The following XPR1 variants were observed in gnomAD, a reference collection of about 807,000 sequenced individuals.
XPR1 encodes solute carrier family 53 member 1.
XPR1 carries 28 observed loss-of-function variants against 87.5 expected under a neutral mutation model. The observed-to-expected ratio is 0.32, with a 90% confidence interval of 0.24 to 0.44. XPR1 has a LOEUF of 0.44. Among genes scored for constraint, XPR1 ranks in the 20% least tolerant of loss-of-function variants. The pLI is 1.00. For synonymous variants in XPR1, 300 were observed against 306.1 expected (o/e 0.98, Z 0.21); for missense variants, 559 against 862.3 (o/e 0.65, Z 4.41).
chr1:180,643,719 T>A (rs1004319951), intron 1 of XPR1, among the ~76,000 whole-genome samples: 2 of 152,192 alleles, frequency 1.3e-5, no homozygotes, highest in Non-Finnish European at 2.9e-5. Context: ...TTACTTCAGA[T>A]TCCATTTTTT....
intron 2 of XPR1, among the ~76,000 whole-genome samples, chr1:180,711,204 G>T (rs1254482433): frequency 6.6e-6 from 1 of 151,956 alleles, no homozygotes; most frequent in Non-Finnish European, 1.5e-5. Context: ...TCACTTCCCA[G>T]ACAGGGTGGC....
chr1:180,884,257 AT>A lies in XPR1; in HGVS notation c.*195del, dbSNP rs1652936261. The A allele has an allele frequency of 4.1e-6, 2 of 482,008 alleles. No individual in the cohort carries two copies. Among genetic ancestry groups the A allele is most frequent in the Non-Finnish European group, 7.4e-6 (2 of 271,398 alleles). The allele number at this position is 482,008 out of a possible 1,614,324, so 29.9% of individuals were successfully genotyped here. On this transcript the variant is annotated 3_prime_UTR_variant, in exon 15 of 15. Coordinates refer to ENST00000367590, the MANE Select transcript of XPR1 (RefSeq NM_004736.4). ...GTTTCTTTTCTTTTCTTCTGGTTTA[AT>A]TTTAATTTTCTATTTTCAAAACAAA...
At chr1:180,780,206 A>G (rs59921476) in intron 2 of XPR1, among the ~76,000 whole-genome samples, 2,559 of 152,286 alleles carry the variant, frequency 0.017, 79 homozygotes, top group African/African-American at 0.056. Context: ...TCATATGGTA[A>G]TCTATTTTTA....
chr1:180,883,535 C>T lies in XPR1; in HGVS notation c.2031-471C>T, dbSNP rs184357402. Among the ~76,000 whole-genome samples the T allele has an allele frequency of 3.6e-3, 543 of 152,126 alleles. 6 individuals carry two copies. Among genetic ancestry groups the T allele is most frequent in the South Asian group, 0.018 (89 of 4,818 alleles). ...ACCAGCCTGGCCAACATGGTGAAAG[C>T]CCATCTCTACTAAAAATACAAAACT... On this transcript the variant is annotated intron_variant, in intron 14 of 14. Coordinates refer to ENST00000367590, the MANE Select transcript of XPR1 (RefSeq NM_004736.4).
At chr1:180,688,965 GAATT>G (rs1656882543) in intron 2 of XPR1, among the ~76,000 whole-genome samples, 1 of 151,876 alleles carries the variant, frequency 6.6e-6, no homozygotes, top group Admixed American at 6.6e-5. Context: ...TTTTTACTCT[GAATT>G]AATTGCAAGG....
At chr1:180,696,598 C>T (rs1325747801) in intron 2 of XPR1, among the ~76,000 whole-genome samples, 1 of 151,804 alleles carries the variant, frequency 6.6e-6, no homozygotes, top group Admixed American at 6.6e-5. Context: ...TCACCTTTCC[C>T]CTTCAGTATG....
intron 1 of XPR1, among the ~76,000 whole-genome samples, chr1:180,657,556 C>G (rs1174817442): frequency 6.6e-6 from 1 of 152,162 alleles, no homozygotes; most frequent in Non-Finnish European, 1.5e-5. Flanking sequence ...TGTCCTTTCT[C>G]CAATGTATGT....
chr1:180,789,738 T>C (rs1440437487), intron 3 of XPR1, among the ~76,000 whole-genome samples: 1 of 152,068 alleles, frequency 6.6e-6, no homozygotes, highest in African/African-American at 2.4e-5. Flanking sequence ...TTCTTCTCCA[T>C]CAATCATTTT....
chr1:180,726,503 C>T lies in XPR1; in HGVS notation c.121+44092C>T, dbSNP rs191959312. ...TGGAAGGAACCAGCTGCGGAAACTC[C>T]GGACACAGTTCTGTTTCTTATAAGC... On this transcript the variant is annotated intron_variant, in intron 2 of 14. Transcript: ENST00000367590. Among the ~76,000 whole-genome samples, 9 of 152,302 alleles carry T rather than the reference C, an allele frequency of 5.9e-5. No homozygotes were observed. The East Asian group carries it at 1.5e-3, about 26-fold the overall frequency.
At chr1:180,776,131 T>C (rs1163713098) in intron 2 of XPR1, among the ~76,000 whole-genome samples, 1 of 152,124 alleles carries the variant, frequency 6.6e-6, no homozygotes, top group Non-Finnish European at 1.5e-5. Flanking sequence ...GCAAGTCCAG[T>C]TTTTTGTTTT....
chr1:180,780,392 A>G (rs923345867), intron 2 of XPR1, among the ~76,000 whole-genome samples: 11 of 152,120 alleles, frequency 7.2e-5, no homozygotes, highest in Non-Finnish European at 1.3e-4. Context: ...TTTGATTTGC[A>G]TTTCACTAAT....
intron 2 of XPR1, among the ~76,000 whole-genome samples, chr1:180,706,678 C>G (rs1022616391): frequency 2.0e-5 from 3 of 151,788 alleles, no homozygotes; most frequent in Non-Finnish European, 2.9e-5. Context: ...GTGGCATGAT[C>G]TCTGCTCACT....
At chr1:180,683,633 T>G (rs1436935059) in intron 2 of XPR1, among the ~76,000 whole-genome samples, 1 of 152,168 alleles carries the variant, frequency 6.6e-6, no homozygotes, top group Non-Finnish European at 1.5e-5. Context: ...ACCTGTTGTT[T>G]CCTGACTTTT....
rs34984251 is a variant in XPR1, at chr1:180,787,981, G to GT, written c.223+127_223+128insT. ...TTCCTTACTATACTGCACTTAAGAG[G>GT]ATTTTCTTGAGCTGGGATAAGAACA... On this transcript the variant is annotated intron_variant, in intron 3 of 14. Coordinates refer to ENST00000367590, the MANE Select transcript of XPR1 (RefSeq NM_004736.4). 681,101 of 681,300 alleles carry GT rather than the reference G, an allele frequency of 1. 340,453 individuals are homozygous for GT. The highest frequency in any genetic ancestry group is 1 in the Middle Eastern group (2,534 of 2,534). 42.2% of individuals were successfully genotyped at this position (681,300 alleles called of 1,614,324 possible). A position where few individuals can be genotyped will look rare whatever the true frequency, so the allele number is the denominator to read the frequency against.
chr1:180,802,519 G>A (rs770818746), intron 3 of XPR1, among the ~76,000 whole-genome samples: 12 of 152,182 alleles, frequency 7.9e-5, no homozygotes, highest in South Asian at 4.1e-4. Context: ...TCTTAATGGC[G>A]TTTTTAAATT....
intron 2 of XPR1, among the ~76,000 whole-genome samples, chr1:180,769,429 C>T (rs2102063911): frequency 6.9e-6 from 1 of 143,972 alleles, no homozygotes; most frequent in African/African-American, 2.6e-5. Flanking sequence ...CCCCCACTAC[C>T]CTTCCCAGCC....
intron 2 of XPR1, among the ~76,000 whole-genome samples, chr1:180,722,166 G>A (rs1658198092): frequency 6.6e-6 from 1 of 152,162 alleles, no homozygotes; most frequent in South Asian, 2.1e-4. Context: ...TACTCTAGAG[G>A]CTGAGATGGG....
chr1:180,704,278 T>TATATATATC (rs1192955477), intron 2 of XPR1, among the ~76,000 whole-genome samples: 1 of 31,902 alleles, frequency 3.1e-5, no homozygotes, highest in African/African-American at 9.1e-5. Flanking sequence ...ATATATATAT[T>TATATATATC]ATCAGATTAT....
At position 180,886,573 on chromosome 1, in the gene XPR1, G is replaced by T. The variant is rs537790659; in HGVS notation, c.*2507G>T. On this transcript the variant is annotated 3_prime_UTR_variant, in exon 15 of 15. Transcript: ENST00000367590. ...GATGTAATCCTTTTCTGAAGTGTTTGTCGGATTGGCATAGTCTATTCAAAA... is the reference window on the plus strand; with the variant it reads ...GATGTAATCCTTTTCTGAAGTGTTTTTCGGATTGGCATAGTCTATTCAAAA... The T allele has an allele frequency of 6.6e-6, 1 of 152,274 alleles. No homozygotes were observed. The highest frequency in any genetic ancestry group is 6.5e-5 in the Admixed American group (1 of 15,298). 9.4% of individuals were successfully genotyped at this position (152,274 alleles called of 1,614,324 possible). A position where few individuals can be genotyped will look rare whatever the true frequency, so the allele number is the denominator to read the frequency against.
Sources: allele counts gnomAD v4.1 joint callset (sites outside exome capture counted in the v4.1 genomes callset), GRCh38; gene constraint gnomAD v4.1.1; transcripts MANE v1.5; gene names NCBI Gene and HGNC (gene_info 2026-07-23, HGNC 2026-07-21).